DENND4A: variants seen among roughly 807,000 people sequenced by gnomAD.
The protein encoded by DENND4A is DENN domain containing 4A, also known as C-myc promoter-binding protein.
DENND4A carries 70 observed loss-of-function variants against 199.3 expected under a neutral mutation model. That is an observed-to-expected ratio of 0.35 (90% CI 0.29 to 0.43). The LOEUF is 0.43. Among genes scored for constraint, DENND4A ranks in the 20% least tolerant of loss-of-function variants. The pLI is 1.00. For missense variants in DENND4A, 1,723 were observed against 2,255.8 expected, an observed-to-expected ratio of 0.76 and a Z score of 4.78; for synonymous variants, 686 against 766.9, an observed-to-expected ratio of 0.89 and a Z score of 1.74.
rs574440529 is a variant in DENND4A, at chr15:65,750,357, A to C, written c.561+2022T>G. ...GAGGGGGAAGACAGGGAGGAAAGCA[A>C]CGGCTGATAAACCACCCATTGGGTT... On this transcript the variant is annotated intron_variant, in intron 4 of 32. Coordinates refer to ENST00000443035, the MANE Select transcript of DENND4A (RefSeq NM_001320835.1). Among the ~76,000 whole-genome samples the C allele has an allele frequency of 1.4e-4, 22 of 152,310 alleles. No homozygotes were observed. The South Asian group carries it at 4.6e-3, about 32-fold the overall frequency.
rs542867500 is a variant in DENND4A, at chr15:65,674,825, A to T, written c.4369+1620T>A. On this transcript the variant is annotated intron_variant, in intron 24 of 32. Transcript: ENST00000443035. ...CTCTTACTTTAGAGATACATATTGA[A>T]GTTTATGAATAAAATTATACATTGT... 5.6e-4 allele frequency among the ~76,000 whole-genome samples: 85 copies of T among 152,278 alleles called. 2 individuals are homozygous for T. The highest frequency in any genetic ancestry group is 2.0e-3 in the African/African-American group (84 of 41,566).
intron 2 of DENND4A, among the ~76,000 whole-genome samples, chr15:65,757,683 T>G (rs2076744315): frequency 6.6e-6 from 1 of 152,018 alleles, no homozygotes; most frequent in Admixed American, 6.6e-5. Context: ...AAATTAATAA[T>G]AAAAGCGCTC....
intron 22 of DENND4A, 108 bp downstream of exon 22, chr15:65,696,258 T>A: frequency 7.2e-7 from 1 of 1,386,776 alleles, no homozygotes. Flanking sequence ...GCACAAAATA[T>A]TTTTTAAAAT....
In DENND4A at chr15:65,722,874, T is replaced by C. The variant is rs764895346; in HGVS notation, c.1562A>G (p.Asn521Ser). The change falls in exon 12 of 33, where the codon AAT becomes AGT. Residue 521 changes from asparagine to serine, a missense_variant. Physicochemically the swap from Asn to Ser is conservative, Grantham distance 46 (BLOSUM62 1). This residue lies in a region of DENND4A where 725 missense variants were observed against 952.9 expected (regional missense o/e 0.76). Transcript: ENST00000443035. ...TTTTGCCAATTGCTGATGCAAATTA[T>C]TCAGTGTGTTCATCAGATTTTTACA... ...KPCKNLMNTL[N>S]NLHQQLAKLQ... 17 of 1,608,310 alleles carry C rather than the reference T, an allele frequency of 1.1e-5. No homozygotes were observed. The highest frequency in any genetic ancestry group is 1.2e-5 in the Non-Finnish European group (14 of 1,177,828).
intron 4 of DENND4A, among the ~76,000 whole-genome samples, chr15:65,751,859 T>C (rs901952050): frequency 6.6e-6 from 1 of 152,106 alleles, no homozygotes; most frequent in African/African-American, 2.4e-5. Context: ...GGACAGAATA[T>C]ACTCAACTCT....
At chr15:65,703,049 A>G (rs779774593) in intron 15 of DENND4A, 41 bp from the exon 16 acceptor site, 11 of 1,583,242 alleles carry the variant, frequency 6.9e-6, no homozygotes, top group African/African-American at 1.4e-5. Context: ...AAGAGTTCTC[A>G]AGCACACATA....
At chr15:65,721,269 TG>T (rs1596523539) in intron 12 of DENND4A, among the ~76,000 whole-genome samples, 1 of 152,056 alleles carries the variant, frequency 6.6e-6, no homozygotes, top group East Asian at 1.9e-4. Context: ...TTACGTTTTA[TG>T]TAATTTGTTT....
chr15:65,750,549 T>TGA (rs1000453533), intron 4 of DENND4A, among the ~76,000 whole-genome samples: 4 of 152,108 alleles, frequency 2.6e-5, no homozygotes, highest in Non-Finnish European at 5.9e-5. Flanking sequence ...GATTAATTTA[T>TGA]TATATATACC....
intron 1 of DENND4A, among the ~76,000 whole-genome samples, chr15:65,788,854 T>TAAAAAAAAAAAAAAAAAAAA (rs34831088): frequency 9.8e-6 from 1 of 102,380 alleles, no homozygotes. Flanking sequence ...GGACTTGTCT[T>TAAAAAAAAAAAAAAAAAAAA]AAAAAAAAAA....
At position 65,706,177 on chromosome 15, in the gene DENND4A, T is replaced by C; in HGVS notation, c.2001A>G (p.Glu667=). 2 of 1,603,790 alleles carry C rather than the reference T, an allele frequency of 1.2e-6. No individual in the cohort carries two copies. The highest frequency in any genetic ancestry group is 1.7e-6 in the Non-Finnish European group (2 of 1,174,992). The change falls in exon 15 of 33, where the codon GAA becomes GAG. Residue 667 remains glutamate (E), a synonymous_variant. Transcript: ENST00000443035. ...SGEVRLIELD[E]SFKSEHTVFV... ...AAACAGTGTGTTCACTTTTGAAAGA[T>C]TCATCCAGTTCTATAAGTCGTACTT...
rs1176619050 is a variant in DENND4A, at chr15:65,669,825, G to C, written c.4741C>G (p.Leu1581Val). 1 of 1,613,630 alleles carries C rather than the reference G, an allele frequency of 6.2e-7. No homozygotes were observed. The highest frequency in any genetic ancestry group is 8.5e-7 in the Non-Finnish European group (1 of 1,179,660). ...TGAACAGAGAGAGCAGATGTGTCAAGACCAGAGGCTGATGTTGAAATGCAA... is the reference window on the plus strand; with the variant it reads ...TGAACAGAGAGAGCAGATGTGTCAACACCAGAGGCTGATGTTGAAATGCAA... ...QSCISTSASG[L>V]DTSALSVQGN... The change falls in exon 27 of 33, where the codon CTT (leucine) becomes GTT (valine). Residue 1581 changes from leucine to valine, a missense_variant. Coordinates refer to ENST00000443035, the MANE Select transcript of DENND4A (RefSeq NM_001320835.1).
At chr15:65,669,631 C>A (rs1034264658) in intron 27 of DENND4A, 148 bp downstream of exon 27, 8 of 662,806 alleles carry the variant, frequency 1.2e-5, no homozygotes, top group Non-Finnish European at 1.9e-5. Flanking sequence ...AGAATTTTAA[C>A]ACTGTTTTAA....
intron 22 of DENND4A, among the ~76,000 whole-genome samples, chr15:65,693,277 T>C (rs1412293735): frequency 2.0e-5 from 3 of 152,182 alleles, no homozygotes; most frequent in East Asian, 3.9e-4. Flanking sequence ...GAAATAGATA[T>C]GGCTGGTGTT....
At chr15:65,722,786 C>A in intron 12 of DENND4A, 62 bp downstream of exon 12, 1 of 1,260,738 alleles carries the variant, frequency 7.9e-7, no homozygotes, top group Non-Finnish European at 1.1e-6. Context: ...ATAAGTAAGG[C>A]AAAGTAATTG....
Position 65,690,859 on chromosome 15 carries a change from C to T in DENND4A, c.3735G>A (p.Arg1245=). 1.2e-6 allele frequency: 2 copies of T among 1,612,334 alleles called. No individual in the cohort carries two copies. Among genetic ancestry groups the T allele is most frequent in the South Asian group, 1.1e-5 (1 of 90,904 alleles). Residue 1245 remains arginine, a synonymous_variant, in exon 23 of 33, where the codon AGG becomes AGA. Transcript: ENST00000443035. ...TCACAATTTCTTCAGCTAAATCACG[C>T]CTAGCAGATGGTGTTGAAATGCTTT... The part of the protein sequence containing the change: ...DSKSISTPSA[R]RDLAEEIVMY...
At chr15:65,742,879 A>G (rs2140491185) in intron 4 of DENND4A, among the ~76,000 whole-genome samples, 1 of 152,286 alleles carries the variant, frequency 6.6e-6, no homozygotes, top group East Asian at 1.9e-4. Flanking sequence ...CATAGTAGTT[A>G]AATAAGTTTT....
chr15:65,741,036 T>C (rs928177975), intron 5 of DENND4A, among the ~76,000 whole-genome samples: 1 of 151,990 alleles, frequency 6.6e-6, no homozygotes, highest in Non-Finnish European at 1.5e-5. Context: ...TAAATGTATA[T>C]GTATATATGT....
chr15:65,727,903 C>G (rs945111214), intron 11 of DENND4A: 14 of 310,930 alleles, frequency 4.5e-5, no homozygotes, highest in Admixed American at 2.4e-4. Flanking sequence ...AACATAAAAC[C>G]CTTGCATCCC....
At chr15:65,781,864 C>G (rs2077443925) in intron 1 of DENND4A, among the ~76,000 whole-genome samples, 1 of 152,160 alleles carries the variant, frequency 6.6e-6, no homozygotes, top group Non-Finnish European at 1.5e-5. Context: ...CTCAGAAACA[C>G]CACTGTTTAT....
Sources: gnomAD v4.1 joint callset for allele counts (sites outside exome capture counted in the v4.1 genomes callset) on GRCh38, gnomAD v4.1.1 for gene constraint, gnomAD v4.1.1 regional missense constraint, MANE v1.5 for transcripts, NCBI Gene and HGNC (gene_info 2026-07-23, HGNC 2026-07-21) for gene names.